Variants in CPEB3 observed in about 807,000 individuals in gnomAD.
CPEB3 encodes the protein cytoplasmic polyadenylation element-binding protein 3.
In CPEB3, 20 loss-of-function variants were observed where a neutral mutation model predicts 67.2. The ratio of observed to expected loss-of-function variants is 0.30; its 90% CI spans 0.21 to 0.43. The LOEUF is 0.43. Among genes scored for constraint, CPEB3 ranks in the 20% least tolerant of loss-of-function variants. The pLI, the probability that CPEB3 is intolerant of heterozygous loss-of-function variation, is 1.00. For synonymous variants in CPEB3, 376 were observed against 393.1 expected, an observed-to-expected ratio of 0.96 and a Z score of 0.51; for missense variants, 746 against 968.6, an observed-to-expected ratio of 0.77 and a Z score of 3.05.
At chr10:92,236,824 T>A (rs1325228619) in intron 2 of CPEB3, among the ~76,000 whole-genome samples, 1 of 152,192 alleles carries the variant, frequency 6.6e-6, no homozygotes, top group Non-Finnish European at 1.5e-5. Context: ...ACTCAAAATC[T>A]ATTGTGTTGG....
intron 1 of CPEB3, among the ~76,000 whole-genome samples, chr10:92,276,844 A>G (rs537490685): frequency 7.2e-5 from 11 of 152,206 alleles, no homozygotes; most frequent in East Asian, 3.9e-4. Context: ...ATTCTTGCCA[A>G]TTCTTGTTAT....
intron 9 of CPEB3, among the ~76,000 whole-genome samples, chr10:92,052,775 G>A (rs948962749): frequency 9.2e-5 from 14 of 152,228 alleles, no homozygotes; most frequent in African/African-American, 3.1e-4. Flanking sequence ...ATCAAAGGGT[G>A]CTGGGGAGGA....
chr10:92,132,830 G>C (rs1845908544), intron 6 of CPEB3, among the ~76,000 whole-genome samples: 1 of 152,182 alleles, frequency 6.6e-6, no homozygotes, highest in Admixed American at 6.5e-5. Flanking sequence ...TCAGACCACA[G>C]TGCAATCAAA....
At chr10:92,098,160 TAAAAAAAAAAAAAAAAA>T (rs1166249584) in intron 7 of CPEB3, among the ~76,000 whole-genome samples, 7 of 36,120 alleles carry the variant, frequency 1.9e-4, no homozygotes, top group Middle Eastern at 0.019. Context: ...ACACTCTGCC[TAAAAAAAAAAAAAAAAA>T]AAAAAAAAAA....
At position 92,197,679 on chromosome 10, in the gene CPEB3, C is replaced by A. The variant is rs573391895; in HGVS notation, c.1006-5043G>T. 1.5e-4 allele frequency among the ~76,000 whole-genome samples: 23 copies of A among 152,288 alleles called. No individual in the cohort carries two copies. In the East Asian group the frequency reaches 2.7e-3, roughly 18 times the overall value. On this transcript the variant is annotated intron_variant, in intron 2 of 9. Coordinates refer to ENST00000265997, the MANE Select transcript of CPEB3 (RefSeq NM_014912.5). ...ACAGCTCACCTCCACTGCATTAGTC[C>A]TCTCTTTCTTCCCTCAGCTGGATTT...
intron 2 of CPEB3, among the ~76,000 whole-genome samples, chr10:92,202,742 T>G (rs1409466326): frequency 6.6e-6 from 1 of 151,854 alleles, no homozygotes; most frequent in Non-Finnish European, 1.5e-5. Flanking sequence ...GCAGATTGAC[T>G]GCTAGTGAGT....
At chr10:92,190,334 T>C (rs566831745) in intron 3 of CPEB3, among the ~76,000 whole-genome samples, 1 of 151,394 alleles carries the variant, frequency 6.6e-6, no homozygotes, top group South Asian at 2.1e-4. Context: ...ACCCTCAAAA[T>C]AGTGTTCCCC....
At chr10:92,231,524 C>T (rs1159826355) in intron 2 of CPEB3, among the ~76,000 whole-genome samples, 1 of 152,106 alleles carries the variant, frequency 6.6e-6, no homozygotes, top group East Asian at 1.9e-4. Flanking sequence ...CTCTCTCCCA[C>T]TCCATCCCTC....
intron 1 of CPEB3, among the ~76,000 whole-genome samples, chr10:92,261,488 C>A (rs1418944040): frequency 6.6e-6 from 1 of 152,080 alleles, no homozygotes; most frequent in Non-Finnish European, 1.5e-5. Flanking sequence ...TCACTTTGTG[C>A]CCAGGCTGGA....
chr10:92,229,073 G>C (rs1249595894), intron 2 of CPEB3, among the ~76,000 whole-genome samples: 2 of 151,366 alleles, frequency 1.3e-5, no homozygotes, highest in African/African-American at 2.4e-5. Context: ...ACCTAGGCTG[G>C]AATGCAGTGG....
rs1491405800 is a variant in CPEB3, at chr10:92,095,601, T to TATATATATATATATATATATATATATA, written c.1573-3658_1573-3657insTATATATATATATATATATATATATAT. On this transcript the variant is annotated intron_variant, in intron 7 of 9. Transcript: ENST00000265997. The stretch of plus-strand genomic sequence containing the variant: ...CCTGATTTATATATATATATATATA[T>TATATATATATATATATATATATATATA]TTTTTTTTTTTCATTGTGTATATAT... 9.5e-4 allele frequency among the ~76,000 whole-genome samples: 83 copies of TATATATATATATATATATATATATATA among 87,634 alleles called. 1 individual carries two copies. The highest frequency in any genetic ancestry group is 2.3e-3 in the African/African-American group (72 of 30,694). 57.5% of individuals were successfully genotyped at this position (87,634 alleles called of 152,430 possible).
intron 7 of CPEB3, among the ~76,000 whole-genome samples, chr10:92,096,155 G>A (rs935969495): frequency 5.3e-5 from 8 of 151,500 alleles, no homozygotes; most frequent in South Asian, 2.1e-4. Flanking sequence ...GATTACAGGC[G>A]TGAGCCACCA....
intron 4 of CPEB3, among the ~76,000 whole-genome samples, chr10:92,174,388 C>T (rs932906924): frequency 6.6e-6 from 1 of 152,110 alleles, no homozygotes; most frequent in African/African-American, 2.4e-5. Flanking sequence ...ATAAGCAAAA[C>T]CTTCTAAAAT....
intron 9 of CPEB3, among the ~76,000 whole-genome samples, chr10:92,055,630 C>T (rs913017012): frequency 6.6e-6 from 1 of 152,176 alleles, no homozygotes; most frequent in African/African-American, 2.4e-5. Flanking sequence ...ACCTTCCAAA[C>T]ACCTCTTTTA....
intron 4 of CPEB3, among the ~76,000 whole-genome samples, chr10:92,172,064 G>C (rs1371346842): frequency 6.6e-6 from 1 of 152,080 alleles, no homozygotes; most frequent in Admixed American, 6.6e-5. Flanking sequence ...GAGAGGCCAA[G>C]GCAGGAGGAT....
chr10:92,228,744 C>T (rs921257114), intron 2 of CPEB3, among the ~76,000 whole-genome samples: 27 of 150,248 alleles, frequency 1.8e-4, no homozygotes, highest in African/African-American at 6.1e-4. Flanking sequence ...GACAGTGGCT[C>T]GCTCTGTTGC....
At chr10:92,265,573 A>G (rs1393949253) in intron 1 of CPEB3, among the ~76,000 whole-genome samples, 1 of 152,078 alleles carries the variant, frequency 6.6e-6, no homozygotes, top group Non-Finnish European at 1.5e-5. Context: ...CCCGGCCAAC[A>G]TGGTGAAACC....
In CPEB3 at chr10:92,224,719, G is replaced by A. The variant is rs535369960; in HGVS notation, c.1005+14627C>T. 2.3e-3 allele frequency among the ~76,000 whole-genome samples: 349 copies of A among 151,806 alleles called. 1 individual carries two copies. Among genetic ancestry groups the A allele is most frequent in the Middle Eastern group, 6.8e-3 (2 of 294 alleles). On this transcript the variant is annotated intron_variant, in intron 2 of 9. Transcript: ENST00000265997. ...AAATTAGCTGGGCATGGTGGTATGCGCCTGTAGTCCTAGCTACCAGGAAGG... is the reference window on the plus strand; with the variant it reads ...AAATTAGCTGGGCATGGTGGTATGCACCTGTAGTCCTAGCTACCAGGAAGG...
At chr10:92,083,059 A>G (rs1843221900) in intron 8 of CPEB3, among the ~76,000 whole-genome samples, 1 of 152,188 alleles carries the variant, frequency 6.6e-6, no homozygotes, top group South Asian at 2.1e-4. Context: ...GTACTATGAA[A>G]CTGCTGAGGC....
Sources: gnomAD v4.1 joint callset for allele counts (sites outside exome capture counted in the v4.1 genomes callset) on GRCh38, gnomAD v4.1.1 for gene constraint, MANE v1.5 for transcripts, NCBI Gene and HGNC (gene_info 2026-07-23, HGNC 2026-07-21) for gene names.